Variants in SLC28A3 observed in about 807,000 individuals in gnomAD.
SLC28A3 encodes the protein concentrative Na(+)-nucleoside cotransporter 3.
SLC28A3 carries 68 observed loss-of-function variants against 84.2 expected under a neutral mutation model. The ratio of observed to expected loss-of-function variants is 0.81; its 90% CI spans 0.66 to 0.99. SLC28A3 has a LOEUF of 0.99. SLC28A3 is among the 50% of genes least tolerant of loss of function. The pLI, the probability that SLC28A3 is intolerant of heterozygous loss-of-function variation, is 0.00. For missense variants in SLC28A3, 712 were observed against 841.5 expected (o/e 0.85, Z 1.90); for synonymous variants, 267 against 303.6 (o/e 0.88, Z 1.25).
chr9:84,340,778 T>G, upstream of SLC28A3: 15 of 718,894 alleles, frequency 2.1e-5, no homozygotes, highest in East Asian at 3.1e-5. Context: ...TGCAATAATC[T>G]CCTGAATGAC....
chr9:84,295,557 T>G (rs1282088539), intron 8 of SLC28A3, among the ~76,000 whole-genome samples: 3 of 152,130 alleles, frequency 2.0e-5, no homozygotes, highest in Non-Finnish European at 4.4e-5. Flanking sequence ...CACTCCAGCC[T>G]GGATGGCAGA....
intron 2 of SLC28A3, among the ~76,000 whole-genome samples, chr9:84,310,141 T>G (rs1384075623): frequency 2.0e-5 from 3 of 152,168 alleles, no homozygotes; most frequent in African/African-American, 7.2e-5. Flanking sequence ...CTGGATTTAT[T>G]TCCCCGGCAG....
chr9:84,285,015 A>G (rs901798628), intron 14 of SLC28A3, among the ~76,000 whole-genome samples: 1 of 152,188 alleles, frequency 6.6e-6, no homozygotes, highest in Non-Finnish European at 1.5e-5. Context: ...AGCGCATTGC[A>G]CATAAAAGGC....
chr9:84,282,816 C>T (rs75965220), intron 14 of SLC28A3, among the ~76,000 whole-genome samples: 2,634 of 152,278 alleles, frequency 0.017, 74 homozygotes, highest in African/African-American at 0.053. Context: ...CCGAGCAATG[C>T]TACACTCATT....
intron 12 of SLC28A3, among the ~76,000 whole-genome samples, chr9:84,287,810 T>G (rs1825055357): frequency 6.6e-6 from 1 of 152,146 alleles, no homozygotes; most frequent in Non-Finnish European, 1.5e-5. Flanking sequence ...GCTGTGTTCA[T>G]ACCACTGCAC....
At position 84,309,722 on chromosome 9, in the gene SLC28A3, T is replaced by C; in HGVS notation, c.157-8A>G. On this transcript the variant is annotated splice_polypyrimidine_tract_variant and splice_region_variant and intron_variant, in intron 2 of 17. Coordinates refer to ENST00000376238, the MANE Select transcript of SLC28A3 (RefSeq NM_001199633.2). Reference sequence around the variant, plus strand: ...TGTGACCTGTTCTTCATCCTGGAAATCAAACATTGGAGCAGAGATGGAATA... The same window carrying C: ...TGTGACCTGTTCTTCATCCTGGAAACCAAACATTGGAGCAGAGATGGAATA... 6.2e-7 allele frequency: 1 copy of C among 1,612,898 alleles called. No homozygotes were observed. Among genetic ancestry groups the C allele is most frequent in the Non-Finnish European group, 8.5e-7 (1 of 1,179,192 alleles).
the SLC28A3 span, among the ~76,000 whole-genome samples, chr9:84,346,096 C>A: frequency 6.6e-6 from 1 of 152,164 alleles, no homozygotes; most frequent in East Asian, 1.9e-4. Context: ...ATTTTCATTG[C>A]GTTGTCACTC....
At chr9:84,310,516 G>C in intron 2 of SLC28A3, 1 of 985,432 alleles carries the variant, frequency 1.0e-6, no homozygotes, top group Non-Finnish European at 1.2e-6. Context: ...AGCAGTTTGA[G>C]TGTGCTCTAA....
intron 1 of SLC28A3, among the ~76,000 whole-genome samples, chr9:84,320,713 G>A (rs1826346328): frequency 6.6e-6 from 1 of 152,114 alleles, no homozygotes; most frequent in African/African-American, 2.4e-5. Flanking sequence ...TTGTCGGCTG[G>A]GCGCAGTGGC....
rs535303703 is a variant in SLC28A3, at chr9:84,319,041, A to G, written c.61-5587T>C. On this transcript the variant is annotated intron_variant, in intron 1 of 17. Coordinates refer to ENST00000376238, the MANE Select transcript of SLC28A3 (RefSeq NM_001199633.2). ...AGATGATTCCAGGGATTATGATTCTAGAACAAATTATAAACATTATGTCCT... is the reference window on the plus strand; with the variant it reads ...AGATGATTCCAGGGATTATGATTCTGGAACAAATTATAAACATTATGTCCT... 3.3e-5 allele frequency among the ~76,000 whole-genome samples: 5 copies of G among 152,312 alleles called. No individual in the cohort carries two copies. In the East Asian group the frequency reaches 7.7e-4, roughly 23 times the overall value.
At chr9:84,328,761 AAAAACAG>A (rs199616895) in intron 1 of SLC28A3, among the ~76,000 whole-genome samples, 3,823 of 152,158 alleles carry the variant, frequency 0.025, 146 homozygotes, top group East Asian at 0.099. Context: ...TCTAAAAACA[AAAAACAG>A]AAAACAAAAA....
At chr9:84,297,559 G>A (rs1825464650) in intron 7 of SLC28A3, among the ~76,000 whole-genome samples, 1 of 152,238 alleles carries the variant, frequency 6.6e-6, no homozygotes, top group Admixed American at 6.5e-5. Flanking sequence ...GTGGCAATGT[G>A]TTGGGAGCCA....
the SLC28A3 span, among the ~76,000 whole-genome samples, chr9:84,358,755 A>T: frequency 1.3e-5 from 2 of 152,150 alleles, no homozygotes; most frequent in Admixed American, 1.3e-4. Flanking sequence ...TTTTCGAATG[A>T]TTCAGCAAAA....
chr9:84,278,384 A>G, intron 17 of SLC28A3, 40 bp from the exon 18 acceptor site: 1 of 1,612,216 alleles, frequency 6.2e-7, no homozygotes, highest in East Asian at 2.2e-5. Context: ...TGAGCCATAG[A>G]TGGCAGAAAC....
chr9:84,341,307 CCT>C (rs1409912306), upstream of SLC28A3, among the ~76,000 whole-genome samples: 1 of 151,782 alleles, frequency 6.6e-6, no homozygotes, highest in Non-Finnish European at 1.5e-5. Flanking sequence ...TTAGTGAAAT[CCT>C]CTGTTTTCCT....
chr9:84,280,174 CTTTTTTTTTTTTTTCTTTAA>C, intron 15 of SLC28A3, 101 bp from the exon 16 acceptor site: 2 of 699,786 alleles, frequency 2.9e-6, no homozygotes, highest in Non-Finnish European at 4.3e-6. Context: ...GGTCAGCTGA[CTTTTTTTTTTTTTTCTTTAA>C]CTTAGCTGGG....
chr9:84,342,239 T>C (rs1187351963), upstream of SLC28A3, among the ~76,000 whole-genome samples: 4 of 151,542 alleles, frequency 2.6e-5, no homozygotes, highest in Middle Eastern at 3.2e-3. Context: ...GTGTTTTTTT[T>C]TTCTCCTTCA....
At chr9:84,302,513 A>G (rs1358581850) in intron 4 of SLC28A3, 124 bp from the exon 5 acceptor site, 9 of 898,230 alleles carry the variant, frequency 1.0e-5, no homozygotes, top group South Asian at 1.8e-5. Context: ...TGAATGCAGG[A>G]GTGCTCTTGA....
chr9:84,335,781 TTTAA>T (rs1826954217), intron 1 of SLC28A3, among the ~76,000 whole-genome samples: 1 of 152,072 alleles, frequency 6.6e-6, no homozygotes. Flanking sequence ...TATTAGCTTA[TTTAA>T]TTATTTCAAC....
Sources: allele counts gnomAD v4.1 joint callset (sites outside exome capture counted in the v4.1 genomes callset), GRCh38; gene constraint gnomAD v4.1.1; transcripts MANE v1.5; gene names NCBI Gene and HGNC (gene_info 2026-07-23, HGNC 2026-07-21).